The following SDR42E2 variants were observed in gnomAD, a reference collection of about 807,000 sequenced individuals.
SDR42E2 encodes the protein putative short-chain dehydrogenase/reductase family 42E member 2.
In SDR42E2, 20 loss-of-function variants were observed where a neutral mutation model predicts 10.5. The observed-to-expected ratio is 1.90, with a 90% CI of 1.34 to 2.77. The LOEUF (loss-of-function observed/expected upper bound fraction) is 2.77, where lower values mean the gene tolerates loss of function less well. Among genes scored for constraint, SDR42E2 ranks in the 30% most tolerant of loss-of-function variants. The pLI is 0.00. For synonymous variants in SDR42E2, 72 were observed against 39.2 expected (o/e 1.84, Z -3.12); for missense variants, 162 against 104.2 (o/e 1.55, Z -2.42).
intron 12 of SDR42E2, among the ~76,000 whole-genome samples, chr16:22,188,494 G>A (rs1598147354): frequency 6.6e-6 from 1 of 152,284 alleles, no homozygotes; most frequent in East Asian, 1.9e-4. Flanking sequence ...AGGAGGAAAT[G>A]AGACACACAG....
chr16:22,164,876 C>T (rs903031570), intron 1 of SDR42E2, among the ~76,000 whole-genome samples: 8 of 152,166 alleles, frequency 5.3e-5, no homozygotes, highest in African/African-American at 1.9e-4. Flanking sequence ...GTGAGGTTCC[C>T]GCTGGATGAT....
At position 22,168,529 on chromosome 16, in the gene SDR42E2, G is replaced by T. The variant is rs201159608; in HGVS notation, c.337-916G>T. ...GATCCGCCCACCTCGGCCTCCCAAA[G>T]TGCTGGGATTACAGGCATGAGATAC... On this transcript the variant is annotated intron_variant, in intron 4 of 12. Transcript: ENST00000602312. Among the ~76,000 whole-genome samples, 46 of 151,832 alleles carry T rather than the reference G, an allele frequency of 3.0e-4. No homozygotes were observed. In the East Asian group the frequency reaches 7.7e-3, roughly 26 times the overall value.
chr16:22,173,314 G>A (rs1470756735), intron 7 of SDR42E2, among the ~76,000 whole-genome samples: 1 of 152,044 alleles, frequency 6.6e-6, no homozygotes, highest in African/African-American at 2.4e-5. Context: ...CTGCCTCCTG[G>A]GTTCAATAGA....
intron 8 of SDR42E2, among the ~76,000 whole-genome samples, chr16:22,179,781 C>T (rs1598141167): frequency 6.7e-6 from 1 of 149,232 alleles, no homozygotes; most frequent in African/African-American, 2.5e-5. Context: ...CCATTGCACT[C>T]CAGCCTGGGC....
intron 12 of SDR42E2, among the ~76,000 whole-genome samples, chr16:22,189,605 G>A (rs1688320624): frequency 2.6e-5 from 4 of 152,206 alleles, no homozygotes; most frequent in Admixed American, 2.6e-4. Flanking sequence ...ACCCTGGAGA[G>A]CAATCAGTTC....
intron 11 of SDR42E2, among the ~76,000 whole-genome samples, chr16:22,186,193 A>G (rs2046735305): frequency 6.6e-6 from 1 of 152,088 alleles, no homozygotes; most frequent in African/African-American, 2.4e-5. Flanking sequence ...GATTTATTTA[A>G]AAACTTCAGT....
In SDR42E2 at chr16:22,188,995, A is replaced by C. The variant is rs1413900437; in HGVS notation, c.1015-1144A>C. ...GGAAAATCGCGAGAAACTCCAGTGC[A>C]CACAGAAGGGGCGCCTCAGCCAACT... On this transcript the variant is annotated intron_variant, in intron 12 of 12. Coordinates refer to ENST00000602312, the MANE Select transcript of SDR42E2 (RefSeq NM_001394319.2). 3.9e-5 allele frequency among the ~76,000 whole-genome samples: 6 copies of C among 152,266 alleles called. No individual in the cohort carries two copies. The East Asian group carries it at 9.6e-4, about 24-fold the overall frequency.
intron 12 of SDR42E2, among the ~76,000 whole-genome samples, chr16:22,189,051 T>C (rs528386329): frequency 6.6e-6 from 1 of 152,174 alleles, no homozygotes; most frequent in South Asian, 2.1e-4. Flanking sequence ...TTCCCAGAGG[T>C]GACATCTAGA....
intron 7 of SDR42E2, among the ~76,000 whole-genome samples, chr16:22,176,180 G>A (rs578143500): frequency 6.6e-6 from 1 of 152,116 alleles, no homozygotes; most frequent in Non-Finnish European, 1.5e-5. Flanking sequence ...GTGTAGTGGC[G>A]CTATCATGGC....
intron 12 of SDR42E2, among the ~76,000 whole-genome samples, chr16:22,187,143 A>G (rs563767638): frequency 6.6e-6 from 1 of 152,206 alleles, no homozygotes; most frequent in Admixed American, 6.5e-5. Flanking sequence ...AATGCTACCA[A>G]TCCCACCAAC....
Position 22,190,354 on chromosome 16 carries a change from A to G in SDR42E2, c.1230A>G (p.Leu410=), listed in dbSNP as rs1238491513. 3 of 401,820 alleles carry G rather than the reference A, an allele frequency of 7.5e-6. No homozygotes were observed. Among genetic ancestry groups the G allele is most frequent in the Non-Finnish European group, 1.3e-5 (3 of 227,234 alleles). 24.9% of individuals were successfully genotyped at this position (401,820 alleles called of 1,614,324 possible). The change falls in exon 13 of 13, where the codon CTA becomes CTG. Residue 410 remains leucine, a synonymous_variant. Coordinates refer to ENST00000602312, the MANE Select transcript of SDR42E2 (RefSeq NM_001394319.2). ...LGLLALALHF[L]GLQPLHAAVE... ...TGCTCGCCCTGGCCCTGCACTTCCT[A>G]GGCCTGCAGCCTCTGCACGCCGCCG... is the stretch of plus-strand genomic sequence containing the variant.
chr16:22,182,083 C>T (rs1397436411), intron 9 of SDR42E2, 129 bp from the exon 10 acceptor site: 8 of 423,390 alleles, frequency 1.9e-5, no homozygotes, highest in South Asian at 1.9e-4. Context: ...GAATAGTTCA[C>T]GTGTGTCCTC....
intron 9 of SDR42E2, among the ~76,000 whole-genome samples, chr16:22,181,929 G>T (rs560294370): frequency 3.3e-5 from 5 of 152,106 alleles, no homozygotes; most frequent in Non-Finnish European, 7.4e-5. Context: ...ACATATTGTC[G>T]CATTTAATCT....
chr16:22,175,538 T>C (rs1328315850), intron 7 of SDR42E2, among the ~76,000 whole-genome samples: 3 of 147,890 alleles, frequency 2.0e-5, no homozygotes, highest in African/African-American at 5.2e-5. Flanking sequence ...CTACACTCCT[T>C]CCTTTTTTTT....
At chr16:22,183,245 C>G (rs2142078874) in intron 10 of SDR42E2, among the ~76,000 whole-genome samples, 1 of 152,236 alleles carries the variant, frequency 6.6e-6, no homozygotes, top group East Asian at 1.9e-4. Context: ...GCCGCAGCCT[C>G]CTGATAGCTG....
chr16:22,166,942 C>T lies in SDR42E2; in HGVS notation c.279C>T (p.Phe93=), dbSNP rs767213968. Residue 93 remains phenylalanine (F), a synonymous_variant, in exon 4 of 13, where the codon TTC becomes TTT. Transcript: ENST00000602312. ...VRDEEALYRA[F]EGVDCVFHVA... is the part of the protein sequence containing the mutation. ...ATGAAGAAGCCCTGTACCGTGCCTTCGAAGGGGTGGACTGTGTCTTCCACG... is the reference window on the plus strand; with the variant it reads ...ATGAAGAAGCCCTGTACCGTGCCTTTGAAGGGGTGGACTGTGTCTTCCACG... 4.3e-6 allele frequency: 3 copies of T among 701,124 alleles called. No individual in the cohort carries two copies. Among genetic ancestry groups the T allele is most frequent in the Middle Eastern group, 2.3e-4 (1 of 4,356 alleles). 43.4% of individuals were successfully genotyped at this position (701,124 alleles called of 1,614,324 possible). A position where few individuals can be genotyped will look rare whatever the true frequency, so the allele number is the denominator to read the frequency against.
At chr16:22,170,612 A>C (rs2046590083) in intron 5 of SDR42E2, among the ~76,000 whole-genome samples, 1 of 152,060 alleles carries the variant, frequency 6.6e-6, no homozygotes, top group African/African-American at 2.4e-5. Flanking sequence ...ACAGAGCAGG[A>C]ACTTGACCTG....
At chr16:22,176,642 C>T (rs899047125) in intron 7 of SDR42E2, among the ~76,000 whole-genome samples, 6 of 152,174 alleles carry the variant, frequency 3.9e-5, no homozygotes, top group South Asian at 2.1e-4. Context: ...AGGCTGGTCT[C>T]GAACTCCTGG....
At position 22,182,244 on chromosome 16, in the gene SDR42E2, G is replaced by C. The variant is rs891208868; in HGVS notation, c.843G>C (p.Glu281Asp). The change falls in exon 10 of 13, where the codon GAG (glutamate) becomes GAC (aspartate). Residue 281 changes from glutamate to aspartate, a missense_variant. Transcript: ENST00000602312. The stretch of plus-strand genomic sequence containing the variant: ...AGGCGTACTACATCAACGATGGGGA[G>C]AGCGTCAACCTCTTTGAGTGGATGG... ...SGQAYYINDG[E>D]SVNLFEWMAP... is the part of the protein sequence containing the mutation. 10 of 401,922 alleles carry C rather than the reference G, an allele frequency of 2.5e-5. No homozygotes were observed. The highest frequency in any genetic ancestry group is 1.3e-4 in the South Asian group (1 of 7,982). The allele number at this position is 401,922 out of a possible 1,614,324, so 24.9% of individuals were successfully genotyped here. A position where few individuals can be genotyped will look rare whatever the true frequency, so the allele number is the denominator to read the frequency against.
Sources: gnomAD v4.1 joint callset for allele counts (sites outside exome capture counted in the v4.1 genomes callset) on GRCh38, gnomAD v4.1.1 for gene constraint, MANE v1.5 for transcripts, NCBI Gene and HGNC (gene_info 2026-07-23, HGNC 2026-07-21) for gene names.